MAGI2: variants seen among roughly 807,000 people sequenced by gnomAD.
The protein encoded by MAGI2 is membrane-associated guanylate kinase, WW and PDZ domain-containing protein 2.
A neutral mutation model predicts 133.3 loss-of-function variants in MAGI2; 35 were observed. The observed-to-expected ratio is 0.26, with a 90% CI of 0.20 to 0.35. The LOEUF is 0.35. MAGI2 is among the 10% of genes least tolerant of loss of function. The pLI is 1.00. For synonymous variants in MAGI2, 729 were observed against 710.6 expected (o/e 1.03, Z -0.41); for missense variants, 1,636 against 1,863.4 (o/e 0.88, Z 2.25).
Position 78,810,325 on chromosome 7 carries a change from C to T in MAGI2, c.419-183086G>A, listed in dbSNP as rs553013055. Among the ~76,000 whole-genome samples the T allele has an allele frequency of 6.6e-5, 10 of 152,128 alleles. No homozygotes were observed. In the East Asian group the frequency reaches 1.5e-3, roughly 23 times the overall value. Reference sequence around the variant, plus strand: ...ATATTCACTCTTGGAGAAGAAACACCACCAAACTTCTCTACTCGAAAGAAT... The same window carrying T: ...ATATTCACTCTTGGAGAAGAAACACTACCAAACTTCTCTACTCGAAAGAAT... On this transcript the variant is annotated intron_variant, in intron 2 of 21. Coordinates refer to ENST00000354212, the MANE Select transcript of MAGI2 (RefSeq NM_012301.4).
chr7:78,498,393 A>G (rs1794320677), intron 5 of MAGI2, among the ~76,000 whole-genome samples: 1 of 152,184 alleles, frequency 6.6e-6, no homozygotes, highest in Non-Finnish European at 1.5e-5. Context: ...CTTTCATAGT[A>G]TACAGTTTGT....
In MAGI2 at chr7:78,171,705, A is replaced by G. The variant is rs551068064; in HGVS notation, c.2404-3597T>C. Among the ~76,000 whole-genome samples the G allele has an allele frequency of 5.9e-5, 9 of 152,276 alleles. No homozygotes were observed. In the East Asian group the frequency reaches 9.6e-4, roughly 16 times the overall value. ...GTCCTGGGATCAGGATCCCTTACTT[A>G]CCAGGTCACACCCTTTTAGTCTTGC... On this transcript the variant is annotated intron_variant, in intron 14 of 21. Transcript: ENST00000354212.
At chr7:78,227,021 GA>G (rs1468106731) in intron 10 of MAGI2, among the ~76,000 whole-genome samples, 2 of 152,186 alleles carry the variant, frequency 1.3e-5, no homozygotes, top group African/African-American at 4.8e-5. Context: ...TCATTAAAAA[GA>G]GAGACTTAAA....
chr7:78,982,912 A>G (rs1186692099), intron 2 of MAGI2, among the ~76,000 whole-genome samples: 2 of 151,936 alleles, frequency 1.3e-5, no homozygotes, highest in Non-Finnish European at 2.9e-5. Context: ...TAATATGATT[A>G]TAGGACAGGG....
chr7:78,521,341 A>G lies in MAGI2; in HGVS notation c.754+89T>C, dbSNP rs1485675940. The G allele has an allele frequency of 1.2e-5, 10 of 858,632 alleles. No individual in the cohort carries two copies. The East Asian group carries it at 2.3e-4, about 19-fold the overall frequency. The allele number at this position is 858,632 out of a possible 1,614,324, so 53.2% of individuals were successfully genotyped here. The stretch of plus-strand genomic sequence containing the variant: ...TATATTTATCTTACTATGTATCTGT[A>G]TATATATCTTACTGTGTATATGTGT... On this transcript the variant is annotated intron_variant, in intron 4 of 21. Coordinates refer to ENST00000354212, the MANE Select transcript of MAGI2 (RefSeq NM_012301.4).
intron 1 of MAGI2, among the ~76,000 whole-genome samples, chr7:79,040,100 G>A (rs557749846): frequency 6.6e-6 from 1 of 151,948 alleles, no homozygotes; most frequent in Admixed American, 6.6e-5. Flanking sequence ...GGTCAAGGGA[G>A]AGACCAGGTG....
chr7:78,073,876 G>T (rs957591793), intron 21 of MAGI2, among the ~76,000 whole-genome samples: 3 of 152,162 alleles, frequency 2.0e-5, no homozygotes, highest in Non-Finnish European at 4.4e-5. Flanking sequence ...TGCTTTTGAT[G>T]CATCTTCTGA....
In MAGI2 at chr7:78,019,426, C is replaced by T. The variant is rs1331355652; in HGVS notation, c.4257G>A (p.Pro1419=). 2 of 1,050,436 alleles carry T rather than the reference C, an allele frequency of 1.9e-6. No individual in the cohort carries two copies. The highest frequency in any genetic ancestry group is 2.3e-6 in the Non-Finnish European group (2 of 873,636). The allele number at this position is 1,050,436 out of a possible 1,614,324, so 65.1% of individuals were successfully genotyped here. ...RAGPRPGPRP[P]GGAPARKAAV... ...CGGCCTTGCGCGCCGGGGCGCCCCC[C>T]GGGGGTCGCGGGCCCGGCCGGGGAC... Residue 1419 remains proline (P), a synonymous_variant, in exon 22 of 22, where the codon CCG becomes CCA. Transcript: ENST00000354212.
At chr7:78,681,388 C>T (rs145879522) in intron 2 of MAGI2, among the ~76,000 whole-genome samples, 2 of 152,280 alleles carry the variant, frequency 1.3e-5, no homozygotes, top group South Asian at 2.1e-4. Flanking sequence ...TTTATAATAA[C>T]AACAACTGTC....
intron 15 of MAGI2, among the ~76,000 whole-genome samples, chr7:78,164,612 C>A (rs1825436608): frequency 6.6e-6 from 1 of 152,270 alleles, no homozygotes; most frequent in African/African-American, 2.4e-5. Flanking sequence ...AGGGAACGTA[C>A]TGGCACCTTC....
intron 21 of MAGI2, 85 bp from the exon 22 acceptor site, chr7:78,020,061 C>T (rs1808207138): frequency 1.6e-6 from 2 of 1,245,166 alleles, no homozygotes; most frequent in South Asian, 3.1e-5. Context: ...GGGCAGGCAG[C>T]TGGGGCGATT....
chr7:78,083,021 G>T (rs1490363909), intron 20 of MAGI2, among the ~76,000 whole-genome samples: 2 of 151,528 alleles, frequency 1.3e-5, no homozygotes, highest in Non-Finnish European at 2.9e-5. Context: ...ACAGCAGGAG[G>T]TGGGGCAAGG....
chr7:78,943,591 G>A (rs1221105445), intron 2 of MAGI2, among the ~76,000 whole-genome samples: 1 of 151,882 alleles, frequency 6.6e-6, no homozygotes, highest in African/African-American at 2.4e-5. Context: ...TTAATGTTTT[G>A]TTTTAAAAAC....
Position 78,501,597 on chromosome 7 carries a change from C to T in MAGI2, c.945G>A (p.Lys315=), listed in dbSNP as rs535466339. Residue 315 remains lysine (K), a synonymous_variant, in exon 5 of 22, where the codon AAG becomes AAA. Transcript: ENST00000354212. ...PDNWEMAYTE[K]GEVYFIDHNT... ...CTCACTCAATGAAGTAGACTTCGCC[C>T]TTCTCTGTATAGGCCATTTCCCAGT... 2 of 1,613,992 alleles carry T rather than the reference C, an allele frequency of 1.2e-6. No individual in the cohort carries two copies. The highest frequency in any genetic ancestry group is 1.3e-5 in the African/African-American group (1 of 74,984).
chr7:78,966,315 T>C (rs1803298686), intron 2 of MAGI2, among the ~76,000 whole-genome samples: 2 of 152,086 alleles, frequency 1.3e-5, no homozygotes, highest in South Asian at 4.1e-4. Context: ...ACTTTATACC[T>C]GTTGAACAGC....
At chr7:78,826,512 AGTGATGAATTG>A (rs1218205089) in intron 2 of MAGI2, among the ~76,000 whole-genome samples, 1 of 152,148 alleles carries the variant, frequency 6.6e-6, no homozygotes, top group Non-Finnish European at 1.5e-5. Context: ...TAGTGGGGGC[AGTGATGAATTG>A]GTGAAGCACA....
rs1802337244 is a variant in MAGI2 at position 78,955,899 on chromosome 7, T to C, written c.418+51191A>G. On this transcript the variant is annotated intron_variant, in intron 2 of 21. Transcript: ENST00000354212. ...CAACTCTTTTACATTAGAAACACAG[T>C]ATTTGTTCACTTTATAATATCTAGA... Among the ~76,000 whole-genome samples, 5 of 152,114 alleles carry C rather than the reference T, an allele frequency of 3.3e-5. No individual in the cohort carries two copies. The South Asian group carries it at 1.0e-3, about 32-fold the overall frequency.
At position 78,623,117 on chromosome 7, in the gene MAGI2, C is replaced by T. The variant is rs530200546; in HGVS notation, c.538+4003G>A. The stretch of plus-strand genomic sequence containing the variant: ...AAAATACTGATATTAAATGTCATGA[C>T]ATCTAGTGTATCATGAGAACAATGG... On this transcript the variant is annotated intron_variant, in intron 3 of 21. Coordinates refer to ENST00000354212, the MANE Select transcript of MAGI2 (RefSeq NM_012301.4). Among the ~76,000 whole-genome samples the T allele has an allele frequency of 2.5e-3, 385 of 152,126 alleles. 1 individual carries two copies. The highest frequency in any genetic ancestry group is 8.7e-3 in the African/African-American group (361 of 41,542).
At chr7:78,389,363 G>T (rs1795692479) in intron 6 of MAGI2, among the ~76,000 whole-genome samples, 1 of 152,160 alleles carries the variant, frequency 6.6e-6, no homozygotes, top group South Asian at 2.1e-4. Context: ...CTGCTATTGA[G>T]TTCTGAAGAA....
Sources: allele counts gnomAD v4.1 joint callset (sites outside exome capture counted in the v4.1 genomes callset), GRCh38; gene constraint gnomAD v4.1.1; transcripts MANE v1.5; gene names NCBI Gene and HGNC (gene_info 2026-07-23, HGNC 2026-07-21).